SUPT3H: variants seen among roughly 807,000 people sequenced by gnomAD.
SUPT3H encodes the protein SPT3 homolog, SAGA and STAGA complex component, also known as transcription initiation protein SPT3 homolog.
SUPT3H carries 44 observed loss-of-function variants against 44.3 expected under a neutral mutation model. That is an observed-to-expected ratio of 0.99 (90% CI 0.78 to 1.28). The LOEUF (loss-of-function observed/expected upper bound fraction) is 1.28. SUPT3H is among the 50% of genes most tolerant of loss of function. The pLI, the probability that SUPT3H is intolerant of heterozygous loss-of-function variation, is 0.00. For synonymous variants in SUPT3H, 124 were observed against 125.6 expected (o/e 0.99, Z 0.09); for missense variants, 380 against 387.1 (o/e 0.98, Z 0.15).
At chr6:45,036,270 T>TA (rs1476324386) in intron 3 of SUPT3H, among the ~76,000 whole-genome samples, 2 of 152,058 alleles carry the variant, frequency 1.3e-5, no homozygotes, top group African/African-American at 4.8e-5. Context: ...ATCAGGGCAG[T>TA]ACTCACGAAC....
At chr6:44,938,753 C>T (rs556625413) in intron 9 of SUPT3H, among the ~76,000 whole-genome samples, 4 of 152,122 alleles carry the variant, frequency 2.6e-5, no homozygotes, top group African/African-American at 4.8e-5. Context: ...TTACTTTCAT[C>T]GCTGGTTTGT....
At chr6:45,336,240 T>C (rs1011186509) in intron 2 of SUPT3H, among the ~76,000 whole-genome samples, 6 of 151,492 alleles carry the variant, frequency 4.0e-5, no homozygotes, top group Non-Finnish European at 5.9e-5. Context: ...AAGTGTTAGC[T>C]AGATAAGGAC....
chr6:45,103,481 T>G (rs920662949), intron 3 of SUPT3H, among the ~76,000 whole-genome samples: 2 of 152,120 alleles, frequency 1.3e-5, no homozygotes, highest in Non-Finnish European at 2.9e-5. Flanking sequence ...CTAAGATACA[T>G]TTTCAAACAG....
At chr6:45,275,255 T>G (rs1776826293) in intron 2 of SUPT3H, among the ~76,000 whole-genome samples, 1 of 152,194 alleles carries the variant, frequency 6.6e-6, no homozygotes, top group African/African-American at 2.4e-5. Context: ...AAGGCAATCT[T>G]CTATTTCTTG....
intron 2 of SUPT3H, among the ~76,000 whole-genome samples, chr6:45,184,367 G>A (rs568065089): frequency 3.9e-5 from 6 of 152,212 alleles, no homozygotes; most frequent in African/African-American, 1.4e-4. Flanking sequence ...TATTCTAACA[G>A]GGGAAATGGT....
intron 2 of SUPT3H, among the ~76,000 whole-genome samples, chr6:45,290,529 C>T (rs1202498174): frequency 6.6e-6 from 1 of 150,632 alleles, no homozygotes; most frequent in Non-Finnish European, 1.5e-5. Flanking sequence ...TGTATTTACT[C>T]TTCTGGGCAC....
At chr6:45,128,437 G>C (rs1157292489) in intron 2 of SUPT3H, among the ~76,000 whole-genome samples, 2 of 140,344 alleles carry the variant, frequency 1.4e-5, no homozygotes, top group African/African-American at 5.3e-5. Context: ...CCCAGGAGGT[G>C]CAGGTTGCAG....
intron 2 of SUPT3H, among the ~76,000 whole-genome samples, chr6:45,300,335 CAAT>C (rs1447245453): frequency 6.6e-6 from 1 of 152,122 alleles, no homozygotes; most frequent in African/African-American, 2.4e-5. Context: ...TTGATTCTCA[CAAT>C]AATGTTAAGA....
intron 3 of SUPT3H, among the ~76,000 whole-genome samples, chr6:45,083,938 C>T (rs935576662): frequency 6.6e-6 from 1 of 152,068 alleles, no homozygotes; most frequent in Non-Finnish European, 1.5e-5. Context: ...TATCCCAGCA[C>T]CATGCAGAAG....
intron 2 of SUPT3H, among the ~76,000 whole-genome samples, chr6:45,261,777 AG>A (rs562718548): frequency 7.0e-4 from 106 of 152,288 alleles, no homozygotes; most frequent in African/African-American, 2.5e-3. Flanking sequence ...ATAAAAACAA[AG>A]GAAGTCAACC....
chr6:45,012,855 A>G (rs577502216), intron 5 of SUPT3H, among the ~76,000 whole-genome samples: 1 of 152,256 alleles, frequency 6.6e-6, no homozygotes, highest in South Asian at 2.1e-4. Flanking sequence ...AACTAGTACA[A>G]TGAAGTCTCT....
chr6:45,198,386 T>C (rs1215901057), intron 2 of SUPT3H, among the ~76,000 whole-genome samples: 2 of 151,382 alleles, frequency 1.3e-5, no homozygotes, highest in Admixed American at 6.6e-5. Flanking sequence ...TAAACACTGG[T>C]GGCTTATGGA....
rs946633658 is a variant in SUPT3H at position 45,142,107 on chromosome 6, C to A, written c.102-36101G>T. Among the ~76,000 whole-genome samples, 11 of 152,090 alleles carry A rather than the reference C, an allele frequency of 7.2e-5. No homozygotes were observed. In the East Asian group the frequency reaches 2.1e-3, roughly 29 times the overall value. On this transcript the variant is annotated intron_variant, in intron 2 of 10. Coordinates refer to ENST00000371459, the MANE Select transcript of SUPT3H (RefSeq NM_003599.4). ...AGGTCCTATCTTTAGCCTCTTGAAA[C>A]AAAGTAATTATCAGCCAAGCATTTT...
intron 2 of SUPT3H, among the ~76,000 whole-genome samples, chr6:45,303,866 G>C (rs767158080): frequency 6.6e-6 from 1 of 151,332 alleles, no homozygotes; most frequent in African/African-American, 2.4e-5. Context: ...AGTGGTGCGC[G>C]CCTGTAGTCC....
At chr6:45,092,111 G>T (rs528265999) in intron 3 of SUPT3H, among the ~76,000 whole-genome samples, 5 of 150,464 alleles carry the variant, frequency 3.3e-5, no homozygotes, top group African/African-American at 7.3e-5. Context: ...TTTTATCTTG[G>T]CTCTACACCG....
chr6:45,339,465 T>A (rs1789309962), intron 2 of SUPT3H, among the ~76,000 whole-genome samples: 1 of 152,186 alleles, frequency 6.6e-6, no homozygotes, highest in Admixed American at 6.5e-5. Context: ...TAAACATTTG[T>A]AAAGCTTGTT....
chr6:44,847,137 C>G (rs115330632), intron 10 of SUPT3H, among the ~76,000 whole-genome samples: 1,737 of 152,320 alleles, frequency 0.011, 36 homozygotes, highest in African/African-American at 0.04. Flanking sequence ...GGACCCTTAG[C>G]ATCACAATGA....
intron 2 of SUPT3H, among the ~76,000 whole-genome samples, chr6:45,325,199 C>T (rs769951479): frequency 2.0e-5 from 3 of 151,688 alleles, no homozygotes; most frequent in Non-Finnish European, 4.4e-5. Flanking sequence ...CCATTTTCTC[C>T]TTTGTTTTTC....
chr6:45,083,485 C>T lies in SUPT3H; in HGVS notation c.186+22437G>A, dbSNP rs183913493. ...GATTGCAGGCATGAGCCACTGTGCC[C>T]GGCCAAGAATCACTATCTTTAAAAA... On this transcript the variant is annotated intron_variant, in intron 3 of 10. Transcript: ENST00000371459. Among the ~76,000 whole-genome samples, 6 of 152,048 alleles carry T rather than the reference C, an allele frequency of 3.9e-5. No individual in the cohort carries two copies. The East Asian group carries it at 7.7e-4, about 20-fold the overall frequency.
Sources: allele counts gnomAD v4.1 joint callset (sites outside exome capture counted in the v4.1 genomes callset), GRCh38; gene constraint gnomAD v4.1.1; transcripts MANE v1.5; gene names NCBI Gene and HGNC (gene_info 2026-07-23, HGNC 2026-07-21).